Variants in OGG1 observed in about 807,000 individuals in gnomAD.
The protein encoded by OGG1 is N-glycosylase/DNA lyase.
A neutral mutation model predicts 42.3 loss-of-function variants in OGG1; 35 were observed. The observed-to-expected ratio is 0.83, with a 90% confidence interval of 0.63 to 1.10. The LOEUF (loss-of-function observed/expected upper bound fraction) is 1.10, where lower values mean the gene tolerates loss of function less well. Ranked by LOEUF, OGG1 falls within the 50% of genes least tolerant of loss-of-function variation. The probability of loss-of-function intolerance (pLI) is 0.00; values close to 1 mark genes in which losing one functional copy is unlikely to be tolerated. For synonymous variants in OGG1, 189 were observed against 179.0 expected (o/e 1.06, Z -0.44); for missense variants, 484 against 446.7 (o/e 1.08, Z -0.75).
chr3:9,782,319 G>C (rs1015690987), intron 3 of OGG1, among the ~76,000 whole-genome samples: 2 of 152,126 alleles, frequency 1.3e-5, no homozygotes, highest in African/African-American at 4.8e-5. Flanking sequence ...GCTGTTTATT[G>C]ACTGTGTGAC....
downstream of OGG1, chr3:9,757,666 C>T: frequency 6.2e-7 from 1 of 1,614,076 alleles, no homozygotes; most frequent in Non-Finnish European, 8.5e-7. The surrounding 1 kb of genome is among the most constrained non-coding windows in gnomAD (Gnocchi z 4.5). Context: ...GGCAGGCCCT[C>T]CACTCCAGCC....
At chr3:9,759,773 A>G (rs2077758744), downstream of OGG1, 1 of 1,613,988 alleles carries the variant, frequency 6.2e-7, no homozygotes, top group African/African-American at 1.3e-5. Context: ...GACAAAAGCA[A>G]AGATAATGAC....
At chr3:9,761,657 G>T, downstream of OGG1, 1 of 1,614,182 alleles carries the variant, frequency 6.2e-7, no homozygotes. Context: ...TCCACAGGCG[G>T]TGGAGAGCAC....
At chr3:9,769,584 G>A (rs1279160660), downstream of OGG1, among the ~76,000 whole-genome samples, 1 of 152,070 alleles carries the variant, frequency 6.6e-6, no homozygotes, top group Non-Finnish European at 1.5e-5. Flanking sequence ...CGCCCTTCCA[G>A]TCAGGCCCAG....
downstream of OGG1, chr3:9,759,449 C>T (rs762470544): frequency 1.8e-5 from 29 of 1,613,772 alleles, no homozygotes; most frequent in East Asian, 2.2e-5. Context: ...GGGAGGAGTC[C>T]TGGGGAGGCT....
chr3:9,767,124 T>C (rs2078176843), downstream of OGG1, among the ~76,000 whole-genome samples: 1 of 152,178 alleles, frequency 6.6e-6, no homozygotes, highest in African/African-American at 2.4e-5. Context: ...AGTGCACACC[T>C]ACCCATCCTT....
At chr3:9,789,935 C>T (rs1330867755), downstream of OGG1, 2 of 1,604,878 alleles carry the variant, frequency 1.2e-6, no homozygotes, top group Non-Finnish European at 8.5e-7. Context: ...TCGTCTGTCA[C>T]CTTTCTTATC....
chr3:9,773,086 G>C (rs2078321171), intron 2 of OGG1, among the ~76,000 whole-genome samples: 1 of 152,020 alleles, frequency 6.6e-6, no homozygotes, highest in African/African-American at 2.4e-5. Context: ...AAAATTAGCT[G>C]GGTGTGGTGG....
At chr3:9,787,393 C>CTTCA (rs1180212917) in intron 3 of OGG1, 6 of 1,546,984 alleles carry the variant, frequency 3.9e-6, no homozygotes, top group Non-Finnish European at 4.3e-6. Flanking sequence ...GCCAGCCATG[C>CTTCA]TTCATTCATT....
intron 3 of OGG1, 26 bp from the exon 4 acceptor site, chr3:9,754,678 C>T (rs371322693): frequency 2.9e-5 from 46 of 1,612,124 alleles, no homozygotes; most frequent in Non-Finnish European, 3.7e-5. Context: ...ATGCCTGATG[C>T]TTGCCCTCCT....
downstream of OGG1, chr3:9,757,501 C>T: frequency 6.2e-7 from 1 of 1,605,192 alleles, no homozygotes; most frequent in South Asian, 1.1e-5. This position sits in a 1 kb window ranked among gnomAD's most constrained non-coding sequence, Gnocchi z 4.5. Context: ...GCCCCCAAGC[C>T]CTCCCACGCA....
downstream of OGG1, chr3:9,760,654 A>G (rs1419274956): frequency 1.9e-6 from 3 of 1,613,768 alleles, no homozygotes; most frequent in East Asian, 4.5e-5. Context: ...AGCCCCAAAT[A>G]CCAGAGTCAG....
chr3:9,758,973 C>G (rs1285704661), downstream of OGG1: 1 of 556,380 alleles, frequency 1.8e-6, no homozygotes, highest in Non-Finnish European at 3.2e-6. Flanking sequence ...TAAGATTCTT[C>G]TGGGGCTCCT....
downstream of OGG1, chr3:9,761,016 C>T (rs1575230865): frequency 1.0e-5 from 5 of 484,812 alleles, no homozygotes; most frequent in Non-Finnish European, 1.5e-5. Flanking sequence ...CACTCTTTCC[C>T]CACACCTCCA....
At chr3:9,753,143 G>A (rs2077379194) in intron 3 of OGG1, among the ~76,000 whole-genome samples, 2 of 151,648 alleles carry the variant, frequency 1.3e-5, no homozygotes, top group South Asian at 4.2e-4. Flanking sequence ...CCTGAGGTCG[G>A]GAGTTTGAGA....
chr3:9,750,620 C>A, intron 1 of OGG1, 197 bp downstream of exon 1: 1 of 782,690 alleles, frequency 1.3e-6, no homozygotes, highest in Non-Finnish European at 2.1e-6. Context: ...AGCGGTATAA[C>A]CGATGCAGAA....
chr3:9,789,809 G>T (rs2078694687), downstream of OGG1: 2 of 1,614,172 alleles, frequency 1.2e-6, no homozygotes. Flanking sequence ...TTTGGATTTG[G>T]GCCGTCCTGG....
At chr3:9,787,384 C>A (rs1354731498) in intron 3 of OGG1, 11 of 1,561,694 alleles carry the variant, frequency 7.0e-6, no homozygotes, top group African/African-American at 1.4e-5. Flanking sequence ...TAAGCACTGG[C>A]CAGCCATGCT....
At position 9,763,011 on chromosome 3, in the gene OGG1, C is replaced by A. The variant is rs1284090262; in HGVS notation, c.1049-2798C>A. 5 of 1,614,144 alleles carry A rather than the reference C, an allele frequency of 3.1e-6. No individual in the cohort carries two copies. Among genetic ancestry groups the A allele is most frequent in the Non-Finnish European group, 4.2e-6 (5 of 1,180,026 alleles). On this transcript the variant is annotated intron_variant, in intron 7 of 7. Coordinates refer to the OGG1 transcript ENST00000302008. ...GCTGGCGTCCCGCTCCGTGTAGAAG[C>A]CTTTTTCCACAATACGGTCAAAGAG...
Sources: gnomAD v4.1 joint callset for allele counts (sites outside exome capture counted in the v4.1 genomes callset) on GRCh38, gnomAD v4.1.1 for gene constraint, Gnocchi (gnomAD v3.1) non-coding constraint, MANE v1.5 for transcripts, NCBI Gene and HGNC (gene_info 2026-07-23, HGNC 2026-07-21) for gene names.